ABTB2: variants seen among roughly 807,000 people sequenced by gnomAD.
ABTB2 encodes ankyrin repeat and BTB/POZ domain-containing protein 2.
In ABTB2, 56 loss-of-function variants were observed where a neutral mutation model predicts 104.1. The observed-to-expected ratio is 0.54, with a 90% CI of 0.43 to 0.67. The LOEUF (loss-of-function observed/expected upper bound fraction) is 0.67. ABTB2 is among the 30% of genes least tolerant of loss of function. The probability of loss-of-function intolerance (pLI) is 0.00; values close to 1 mark genes in which losing one functional copy is unlikely to be tolerated. For synonymous variants in ABTB2, 606 were observed against 608.2 expected (o/e 1.00, Z 0.05); for missense variants, 1,279 against 1,407.7 (o/e 0.91, Z 1.46).
chr11:34,151,520 T>C lies in ABTB2; in HGVS notation c.*867A>G, dbSNP rs546829383. The C allele has an allele frequency of 7.2e-5, 11 of 152,378 alleles. No homozygotes were observed. The highest frequency in any genetic ancestry group is 2.6e-4 in the African/African-American group (11 of 41,590). The allele number at this position is 152,378 out of a possible 1,614,324, so 9.4% of individuals were successfully genotyped here. A position where few individuals can be genotyped will look rare whatever the true frequency, so the allele number is the denominator to read the frequency against. On this transcript the variant is annotated 3_prime_UTR_variant, in exon 17 of 17. Coordinates refer to ENST00000435224, the MANE Select transcript of ABTB2 (RefSeq NM_145804.3). ...GACTTGACCAGGGGACTCTGCTTCA[T>C]CGCCCCCACAAAGGCAACCTAGTCT...
chr11:34,198,558 C>A (rs1853296314), intron 2 of ABTB2, among the ~76,000 whole-genome samples: 1 of 152,148 alleles, frequency 6.6e-6, no homozygotes, highest in Non-Finnish European at 1.5e-5. Flanking sequence ...GTTGAGTTAA[C>A]CAGCCATGGC....
chr11:34,294,710 C>T (rs1228575795), intron 1 of ABTB2, among the ~76,000 whole-genome samples: 4 of 149,258 alleles, frequency 2.7e-5, no homozygotes, highest in Admixed American at 1.3e-4. Flanking sequence ...CGTGTCTCTA[C>T]AAAAACAATT....
chr11:34,253,601 G>A lies in ABTB2; in HGVS notation c.884-48911C>T, dbSNP rs534885338. ...TGAGGCAGGAGAATCCCTTGACCCC[G>A]GGAGGCGGAGGTTGCAGTGAGCAGA... On this transcript the variant is annotated intron_variant, in intron 1 of 16. Transcript: ENST00000435224. Among the ~76,000 whole-genome samples, 54 of 152,122 alleles carry A rather than the reference G, an allele frequency of 3.5e-4. No homozygotes were observed. In the South Asian group the frequency reaches 3.7e-3, roughly 11 times the overall value.
At chr11:34,301,461 G>T (rs1854705032) in intron 1 of ABTB2, among the ~76,000 whole-genome samples, 2 of 152,234 alleles carry the variant, frequency 1.3e-5, no homozygotes, top group South Asian at 4.1e-4. Flanking sequence ...CAAAAAGCTA[G>T]CATAAACAAT....
chr11:34,170,035 A>G (rs1852849135), intron 5 of ABTB2, among the ~76,000 whole-genome samples: 2 of 152,138 alleles, frequency 1.3e-5, no homozygotes, highest in Non-Finnish European at 2.9e-5. Flanking sequence ...TGGCCTTCCA[A>G]ACCCCACAGT....
chr11:34,154,457 AGTGCCGT>A lies in ABTB2; in HGVS notation c.2767-86_2767-80del. 1 of 1,090,030 alleles carries A rather than the reference AGTGCCGT, an allele frequency of 9.2e-7. No individual in the cohort carries two copies. The allele number at this position is 1,090,030 out of a possible 1,614,324, so 67.5% of individuals were successfully genotyped here. ...GACAGCACCGAACAGAAAGCTCCCGAGTGCCGTGTGCCCTGCTGCCTCCACCCTCAGG... is the reference window on the plus strand; with the variant it reads ...GACAGCACCGAACAGAAAGCTCCCGAGTGCCCTGCTGCCTCCACCCTCAGG... On this transcript the variant is annotated intron_variant, in intron 15 of 16. Coordinates refer to ENST00000435224, the MANE Select transcript of ABTB2 (RefSeq NM_145804.3). This position sits in a 1 kb window ranked among gnomAD's most constrained non-coding sequence, Gnocchi z 4.9.
At chr11:34,297,989 C>T (rs1854645482) in intron 1 of ABTB2, among the ~76,000 whole-genome samples, 1 of 151,898 alleles carries the variant, frequency 6.6e-6, no homozygotes, top group Non-Finnish European at 1.5e-5. Context: ...CACTGTAATT[C>T]CCTTCTGGAG....
In ABTB2 at chr11:34,252,553, A is replaced by C. The variant is rs1430934255; in HGVS notation, c.884-47863T>G. On this transcript the variant is annotated intron_variant, in intron 1 of 16. Coordinates refer to ENST00000435224, the MANE Select transcript of ABTB2 (RefSeq NM_145804.3). The surrounding 1 kb of genome is among the most constrained non-coding windows in gnomAD (Gnocchi z 5.5). ...TCCTGTGCCACTCCCCCAACCCTCC[A>C]ACCTGCCTGAAAGAGAGGAGAGCAG... is the stretch of plus-strand genomic sequence containing the variant. Among the ~76,000 whole-genome samples the C allele has an allele frequency of 6.6e-6, 1 of 151,928 alleles. No homozygotes were observed. Among genetic ancestry groups the C allele is most frequent in the Non-Finnish European group, 1.5e-5 (1 of 67,970 alleles).
intron 1 of ABTB2, among the ~76,000 whole-genome samples, chr11:34,309,618 C>T (rs886270582): frequency 2.0e-5 from 3 of 151,804 alleles, no homozygotes; most frequent in African/African-American, 7.3e-5. Context: ...AATTTGACAA[C>T]AATCCTAATA....
chr11:34,335,126 T>C (rs1342776931), intron 1 of ABTB2: 1 of 1,207,754 alleles, frequency 8.3e-7, no homozygotes, highest in East Asian at 2.4e-5. Flanking sequence ...AATTTCCACT[T>C]AATTTCTTCA....
In ABTB2 at chr11:34,357,838, G is replaced by A. The variant is rs981307516; in HGVS notation, c.-255C>T. 1.9e-5 allele frequency: 9 copies of A among 483,104 alleles called. No homozygotes were observed. The Admixed American group carries it at 2.9e-4, about 16-fold the overall frequency. 29.9% of individuals were successfully genotyped at this position (483,104 alleles called of 1,614,324 possible). ...GAAAGAACCCCGTCGCTACCCCCCG[G>A]CACTCCCCCTTGTCCACCTCTAATT... is the stretch of plus-strand genomic sequence containing the variant. On this transcript the variant is annotated 5_prime_UTR_variant, in exon 1 of 17. Transcript: ENST00000435224.
chr11:34,330,141 C>T (rs1590258724), intron 1 of ABTB2, among the ~76,000 whole-genome samples: 1 of 152,174 alleles, frequency 6.6e-6, no homozygotes, highest in Non-Finnish European at 1.5e-5. Flanking sequence ...CTGGGTCACT[C>T]CTTGGCCATG....
chr11:34,306,388 A>C (rs1164995629), intron 1 of ABTB2, among the ~76,000 whole-genome samples: 1 of 151,792 alleles, frequency 6.6e-6, no homozygotes, highest in Non-Finnish European at 1.5e-5. Flanking sequence ...CTGGGATTAC[A>C]GGCGTGCACC....
chr11:34,173,836 A>G (rs1042820728), intron 3 of ABTB2, among the ~76,000 whole-genome samples: 1 of 152,226 alleles, frequency 6.6e-6, no homozygotes, highest in African/African-American at 2.4e-5. Context: ...CCCTCCGACA[A>G]GCACACTCGA....
At chr11:34,295,737 C>A (rs938231411) in intron 1 of ABTB2, among the ~76,000 whole-genome samples, 1 of 152,192 alleles carries the variant, frequency 6.6e-6, no homozygotes, top group East Asian at 1.9e-4. Context: ...AGGGTGCCAG[C>A]ATGGCTGGGT....
intron 1 of ABTB2, among the ~76,000 whole-genome samples, chr11:34,343,564 T>C (rs949780657): frequency 4.6e-5 from 7 of 152,004 alleles, no homozygotes; most frequent in Admixed American, 4.6e-4. Context: ...AACCTCTGCC[T>C]CCCAGGGTCA....
chr11:34,342,593 T>C (rs1855274718), intron 1 of ABTB2, among the ~76,000 whole-genome samples: 1 of 152,162 alleles, frequency 6.6e-6, no homozygotes, highest in African/African-American at 2.4e-5. Context: ...GTATATATGA[T>C]GGTAAGAATC....
In ABTB2 at chr11:34,278,188, T is replaced by TA. The variant is rs796960513; in HGVS notation, c.884-73499dup. 5.8e-3 allele frequency among the ~76,000 whole-genome samples: 851 copies of TA among 147,184 alleles called. 11 individuals carry two copies. Among genetic ancestry groups the TA allele is most frequent in the African/African-American group, 0.02 (814 of 40,130 alleles). On this transcript the variant is annotated intron_variant, in intron 1 of 16. Transcript: ENST00000435224. ...GGAGCAGGATATAATACAAAAAAAC[T>TA]AAAAAAAAAAGTTAAAAAAATAAAA... is the stretch of plus-strand genomic sequence containing the variant.
Position 34,210,640 on chromosome 11 carries a change from G to A in ABTB2, c.884-5950C>T, listed in dbSNP as rs146494725. The stretch of plus-strand genomic sequence containing the variant: ...TTCTGGGCAATGGGACAGTGAGTGT[G>A]GTACCATTTCTGCACCTGCCACCAA... On this transcript the variant is annotated intron_variant, in intron 1 of 16. Transcript: ENST00000435224. Among the ~76,000 whole-genome samples, 93 of 152,258 alleles carry A rather than the reference G, an allele frequency of 6.1e-4. No homozygotes were observed. The East Asian group carries it at 0.014, about 23-fold the overall frequency.
Sources: gnomAD v4.1 joint callset for allele counts (sites outside exome capture counted in the v4.1 genomes callset) on GRCh38, gnomAD v4.1.1 for gene constraint, Gnocchi (gnomAD v3.1) non-coding constraint, MANE v1.5 for transcripts, NCBI Gene and HGNC (gene_info 2026-07-23, HGNC 2026-07-21) for gene names.